Variants in XKR9 observed in about 807,000 individuals in gnomAD.
XKR9 encodes XK-related protein 9.
A neutral mutation model predicts 32.0 loss-of-function variants in XKR9; 32 were observed. The ratio of observed to expected loss-of-function variants is 1.00; its 90% CI spans 0.76 to 1.34. XKR9 has a LOEUF of 1.34. Ranked by LOEUF, XKR9 falls within the 40% of genes most tolerant of loss-of-function variation. The pLI is 0.00. For synonymous variants in XKR9, 168 were observed against 143.4 expected (o/e 1.17, Z -1.22); for missense variants, 546 against 429.7 (o/e 1.27, Z -2.39).
At chr8:70,968,480 C>A in the XKR9 span, among the ~76,000 whole-genome samples, 1 of 152,198 alleles carries the variant, frequency 6.6e-6, no homozygotes, top group Non-Finnish European at 1.5e-5. Context: ...TGTGCCCTTG[C>A]TGGAGAGGTG....
chr8:70,985,146 G>T, the XKR9 span, among the ~76,000 whole-genome samples: 21 of 152,172 alleles, frequency 1.4e-4, no homozygotes, highest in African/African-American at 5.1e-4. Flanking sequence ...TAATATGTTT[G>T]ATATGTTGTG....
chr8:70,870,003 G>A, the XKR9 span, among the ~76,000 whole-genome samples: 8 of 152,260 alleles, frequency 5.3e-5, no homozygotes, highest in East Asian at 1.5e-3. Context: ...GTAGGAATGA[G>A]ATATATGATA....
At chr8:70,971,265 G>A in the XKR9 span, among the ~76,000 whole-genome samples, 146 of 151,568 alleles carry the variant, frequency 9.6e-4, 1 homozygote, top group Middle Eastern at 3.4e-3. Context: ...GTATATCTTC[G>A]TTTGAGAATC....
At chr8:70,972,012 T>C in the XKR9 span, among the ~76,000 whole-genome samples, 1 of 152,114 alleles carries the variant, frequency 6.6e-6, no homozygotes, top group African/African-American at 2.4e-5. Flanking sequence ...TGAGGTATTT[T>C]TGTGGGTATT....
chr8:70,773,661 C>G (rs776307007), intron 2 of XKR9, among the ~76,000 whole-genome samples: 5 of 152,100 alleles, frequency 3.3e-5, no homozygotes, highest in Non-Finnish European at 5.9e-5. Context: ...CTTCCATTTG[C>G]CAGTTAAAAG....
chr8:70,769,654 C>T (rs1400542646), intron 2 of XKR9, among the ~76,000 whole-genome samples: 1 of 151,914 alleles, frequency 6.6e-6, no homozygotes, highest in Non-Finnish European at 1.5e-5. Flanking sequence ...TCTTTTTTCT[C>T]TAATCTTGTC....
At chr8:71,008,145 G>T in the XKR9 span, among the ~76,000 whole-genome samples, 1 of 152,116 alleles carries the variant, frequency 6.6e-6, no homozygotes, top group Non-Finnish European at 1.5e-5. Context: ...AAGAATTTTT[G>T]GGGGTAAGGC....
chr8:70,788,224 GGT>G (rs1432497799), intron 2 of XKR9, among the ~76,000 whole-genome samples: 1 of 152,024 alleles, frequency 6.6e-6, no homozygotes, highest in Admixed American at 6.6e-5. Context: ...CTGAGAATGG[GGT>G]TAGTGTACAT....
At chr8:70,892,495 G>A in the XKR9 span, among the ~76,000 whole-genome samples, 7 of 152,098 alleles carry the variant, frequency 4.6e-5, no homozygotes, top group Non-Finnish European at 1.0e-4. Flanking sequence ...AGATGTGGGA[G>A]TCCCTTGAGC....
chr8:71,029,185 TA>T, the XKR9 span, among the ~76,000 whole-genome samples: 10 of 151,706 alleles, frequency 6.6e-5, no homozygotes, highest in East Asian at 1.2e-3. Context: ...AGCATTTCTT[TA>T]AAAAAAAATC....
downstream of XKR9, among the ~76,000 whole-genome samples, chr8:70,792,903 C>G (rs140492028): frequency 1.4e-3 from 216 of 152,234 alleles, no homozygotes; most frequent in African/African-American, 5.0e-3. Flanking sequence ...TAGACTGAAT[C>G]TACTTGATCT....
the XKR9 span, among the ~76,000 whole-genome samples, chr8:70,843,354 T>G: frequency 6.6e-6 from 1 of 152,348 alleles, no homozygotes; most frequent in African/African-American, 2.4e-5. Flanking sequence ...GTTATCATTA[T>G]TTGTATTTCT....
chr8:70,803,122 C>G, the XKR9 span, among the ~76,000 whole-genome samples: 1 of 152,112 alleles, frequency 6.6e-6, no homozygotes, highest in Non-Finnish European at 1.5e-5. Flanking sequence ...TATGTAATCT[C>G]ATATTTCTCA....
At chr8:70,813,313 C>T in the XKR9 span, among the ~76,000 whole-genome samples, 1 of 152,256 alleles carries the variant, frequency 6.6e-6, no homozygotes, top group East Asian at 1.9e-4. Context: ...TAAAGACTTA[C>T]ATGTTAGACC....
the XKR9 span, among the ~76,000 whole-genome samples, chr8:70,945,403 C>T: frequency 6.6e-6 from 1 of 152,156 alleles, no homozygotes; most frequent in Non-Finnish European, 1.5e-5. Context: ...CTTGACACTT[C>T]TGGCTTCAAA....
At chr8:70,700,418 C>T (rs1273578922) in intron 3 of XKR9, among the ~76,000 whole-genome samples, 1 of 152,220 alleles carries the variant, frequency 6.6e-6, no homozygotes, top group African/African-American at 2.4e-5. Flanking sequence ...CCCTCAGCTG[C>T]AGGTCTGTTG....
At chr8:70,872,754 A>T in the XKR9 span, among the ~76,000 whole-genome samples, 1 of 152,002 alleles carries the variant, frequency 6.6e-6, no homozygotes, top group Non-Finnish European at 1.5e-5. Context: ...TCTTCCTCCC[A>T]GGTGCAAGCG....
the XKR9 span, among the ~76,000 whole-genome samples, chr8:70,924,780 A>G: frequency 2.0e-5 from 3 of 152,364 alleles, no homozygotes; most frequent in East Asian, 3.9e-4. Context: ...AGAACAAAAT[A>G]TCTCATTGTT....
At chr8:70,799,216 T>C in the XKR9 span, among the ~76,000 whole-genome samples, 1 of 152,206 alleles carries the variant, frequency 6.6e-6, no homozygotes, top group East Asian at 1.9e-4. Context: ...TGGGTCAGCT[T>C]TGATTTCTCT....
Sources: gnomAD v4.1 joint callset for allele counts (sites outside exome capture counted in the v4.1 genomes callset) on GRCh38, gnomAD v4.1.1 for gene constraint, MANE v1.5 for transcripts, NCBI Gene and HGNC (gene_info 2026-07-23, HGNC 2026-07-21) for gene names.